The following JMJD1C variants were observed in gnomAD, a reference collection of about 807,000 sequenced individuals.
The protein encoded by JMJD1C is jumonji domain-containing protein 1C.
In JMJD1C, 31 loss-of-function variants were observed where a neutral mutation model predicts 245.3. That is an observed-to-expected ratio of 0.13 (90% CI 0.09 to 0.17). JMJD1C has a LOEUF of 0.17. JMJD1C is among the 10% of genes least tolerant of loss of function. The probability of loss-of-function intolerance (pLI) is 1.00; values close to 1 mark genes in which losing one functional copy is unlikely to be tolerated. For missense variants in JMJD1C, 2,691 were observed against 3,000.2 expected (o/e 0.90, Z 2.41); for synonymous variants, 1,057 against 1,017.4 (o/e 1.04, Z -0.74).
intron 2 of JMJD1C, among the ~76,000 whole-genome samples, chr10:63,291,614 T>TA (rs10650646): frequency 0.6 from 86,186 of 142,908 alleles, 27,234 homozygotes; most frequent in South Asian, 0.73. Context: ...AAACTCCATC[T>TA]AAAAAAAAAA....
chr10:63,168,248 A>G, intron 25 of JMJD1C, 114 bp from the exon 26 acceptor site: 1 of 1,009,896 alleles, frequency 9.9e-7, no homozygotes, highest in Non-Finnish European at 1.5e-6. Context: ...AATATAAGAA[A>G]AATGTTTGAA....
intron 1 of JMJD1C, among the ~76,000 whole-genome samples, chr10:63,488,395 T>C (rs1365203924): frequency 6.6e-6 from 1 of 152,034 alleles, no homozygotes. Flanking sequence ...TTAAGACCAG[T>C]GTGGGAAAAA....
At position 63,439,313 on chromosome 10, in the gene JMJD1C, C is replaced by A. The variant is rs143518275; in HGVS notation, c.168+26182G>T. 6.0e-3 allele frequency among the ~76,000 whole-genome samples: 906 copies of A among 152,244 alleles called. 6 individuals carry two copies. The highest frequency in any genetic ancestry group is 8.2e-3 in the Non-Finnish European group (555 of 68,010). On this transcript the variant is annotated intron_variant, in intron 1 of 25. Coordinates refer to ENST00000399262, the MANE Select transcript of JMJD1C (RefSeq NM_032776.3). The stretch of plus-strand genomic sequence containing the variant: ...TGTAATGTTCTGTTCCTGGCTTTCA[C>A]TGAGAATTATTATTTTTTAACAGCC...
At position 63,215,049 on chromosome 10, in the gene JMJD1C, G is replaced by A; in HGVS notation, c.1118C>T (p.Ser373Leu). The A allele has an allele frequency of 4.4e-6, 7 of 1,607,902 alleles. No individual in the cohort carries two copies. Among genetic ancestry groups the A allele is most frequent in the Non-Finnish European group, 5.1e-6 (6 of 1,177,764 alleles). Residue 373 changes from serine (S) to leucine (L), a missense_variant, in exon 8 of 26, where the codon TCA becomes TTA. Physicochemically the swap from Ser to Leu is moderately radical, Grantham distance 145. Around this residue, in one of 9 missense-constraint regions of JMJD1C, gnomAD observed 1,562 missense variants for 1,490.7 expected, o/e 1.05. Coordinates refer to ENST00000399262, the MANE Select transcript of JMJD1C (RefSeq NM_032776.3). ...NMKRLRTDNV[S>L]DFSESSDSEN... ...TGAGTCACTGCTCTCAGAAAAGTCT[G>A]AAACATTGTCAGTTCGAAGTCTTTT...
intron 2 of JMJD1C, chr10:63,269,136 C>A: frequency 1.0e-6 from 1 of 985,484 alleles, no homozygotes; most frequent in Non-Finnish European, 1.2e-6. Flanking sequence ...CATCCATCAG[C>A]TGGAGAAAGC....
chr10:63,394,792 G>A (rs374198081), intron 1 of JMJD1C, among the ~76,000 whole-genome samples: 134 of 151,388 alleles, frequency 8.9e-4, no homozygotes, highest in Middle Eastern at 6.8e-3. Flanking sequence ...TGCAGTGAGC[G>A]GAGATCACGC....
chr10:63,206,419 A>C (rs117681546), intron 10 of JMJD1C, among the ~76,000 whole-genome samples, 176 bp downstream of exon 10: 2,734 of 152,346 alleles, frequency 0.018, 32 homozygotes, highest in Non-Finnish European at 0.028. Flanking sequence ...ATTTCCTCTT[A>C]AAGGGTACTT....
chr10:63,211,239 CG>C (rs1847280520), intron 8 of JMJD1C, among the ~76,000 whole-genome samples: 1 of 151,980 alleles, frequency 6.6e-6, no homozygotes, highest in Admixed American at 6.6e-5. Flanking sequence ...CCGAGACAGG[CG>C]GATCACTTGA....
intron 2 of JMJD1C, among the ~76,000 whole-genome samples, chr10:63,379,306 C>T (rs1947026338): frequency 6.6e-6 from 1 of 152,022 alleles, no homozygotes; most frequent in South Asian, 2.1e-4. Context: ...TTGATAGTAA[C>T]ATAAGAAGAA....
chr10:63,489,835 G>A (rs1954110932), intron 1 of JMJD1C, among the ~76,000 whole-genome samples: 1 of 152,086 alleles, frequency 6.6e-6, no homozygotes, highest in Non-Finnish European at 1.5e-5. Flanking sequence ...TCTATACCAG[G>A]GGTCCCCATC....
intron 2 of JMJD1C, among the ~76,000 whole-genome samples, chr10:63,312,510 T>TA: frequency 6.6e-6 from 1 of 152,176 alleles, no homozygotes. Flanking sequence ...TAATCTAACC[T>TA]AAAAAATTAC....
At chr10:63,483,598 A>C (rs1953893957) in intron 1 of JMJD1C, among the ~76,000 whole-genome samples, 1 of 152,192 alleles carries the variant, frequency 6.6e-6, no homozygotes, top group South Asian at 2.1e-4. Flanking sequence ...GCATTATAAT[A>C]ACAACCAACT....
intron 2 of JMJD1C, among the ~76,000 whole-genome samples, chr10:63,300,151 C>A (rs941402711): frequency 6.6e-5 from 10 of 152,102 alleles, no homozygotes; most frequent in African/African-American, 2.4e-4. Flanking sequence ...AATGTTCAAC[C>A]AAATATTCAA....
Position 63,194,538 on chromosome 10 carries a change from T to C in JMJD1C, c.5645-163A>G, listed in dbSNP as rs151060156. On this transcript the variant is annotated intron_variant, in intron 13 of 25. Transcript: ENST00000399262. ...ATAATGAAATAAAATGTCAATGATA[T>C]GCTTTAGATGTTTGGTTCTGAAACA... 1.4e-3 allele frequency: 720 copies of C among 511,330 alleles called. 6 individuals are homozygous for C. Among genetic ancestry groups the C allele is most frequent in the South Asian group, 0.011 (379 of 32,966 alleles). The allele number at this position is 511,330 out of a possible 1,614,324, so 31.7% of individuals were successfully genotyped here.
intron 2 of JMJD1C, among the ~76,000 whole-genome samples, chr10:63,363,252 CT>C (rs71463517): frequency 0.083 from 8,267 of 99,792 alleles, 558 homozygotes; most frequent in African/African-American, 0.24. Context: ...TCATACAATT[CT>C]TTTTTTTTTT....
At chr10:63,412,852 TG>T (rs1178462316) in intron 1 of JMJD1C, among the ~76,000 whole-genome samples, 1 of 152,196 alleles carries the variant, frequency 6.6e-6, no homozygotes, top group Non-Finnish European at 1.5e-5. Flanking sequence ...TTTTTCAAAT[TG>T]CTGCAAATCT....
chr10:63,274,733 C>G (rs1856625775), intron 2 of JMJD1C, among the ~76,000 whole-genome samples: 1 of 152,118 alleles, frequency 6.6e-6, no homozygotes, highest in African/African-American at 2.4e-5. Flanking sequence ...CTCCAGCAAA[C>G]ATTGTAGCAC....
Position 63,285,904 on chromosome 10 carries a change from C to T in JMJD1C, c.334-21140G>A, listed in dbSNP as rs530938519. Among the ~76,000 whole-genome samples, 6 of 152,304 alleles carry T rather than the reference C, an allele frequency of 3.9e-5. No homozygotes were observed. The East Asian group carries it at 9.6e-4, about 24-fold the overall frequency. On this transcript the variant is annotated intron_variant, in intron 2 of 25. Coordinates refer to ENST00000399262, the MANE Select transcript of JMJD1C (RefSeq NM_032776.3). ...TTTTCTGTGCACACTGGACAGCAAG[C>T]CCATTTGCTTGAGAGCAGCCCCAGC...
chr10:63,518,687 G>T (rs941922544), intron 1 of JMJD1C, among the ~76,000 whole-genome samples: 20 of 152,166 alleles, frequency 1.3e-4, no homozygotes, highest in Admixed American at 9.2e-4. Context: ...AATACTACAT[G>T]AAAGTCAGGC....
Sources: gnomAD v4.1 joint callset for allele counts (sites outside exome capture counted in the v4.1 genomes callset) on GRCh38, gnomAD v4.1.1 for gene constraint, gnomAD v4.1.1 regional missense constraint, MANE v1.5 for transcripts, NCBI Gene and HGNC (gene_info 2026-07-23, HGNC 2026-07-21) for gene names.